The following KCNT2 variants were observed in gnomAD, a reference collection of about 807,000 sequenced individuals.
KCNT2 encodes potassium channel subfamily T member 2.
A neutral mutation model predicts 153.8 loss-of-function variants in KCNT2; 67 were observed. The observed-to-expected ratio is 0.44, with a 90% confidence interval of 0.36 to 0.53. The LOEUF (loss-of-function observed/expected upper bound fraction) is 0.53. Ranked by LOEUF, KCNT2 falls within the 20% of genes least tolerant of loss-of-function variation. The pLI is 0.00. For missense variants in KCNT2, 975 were observed against 1,354.8 expected, an observed-to-expected ratio of 0.72 and a Z score of 4.40; for synonymous variants, 500 against 458.8, an observed-to-expected ratio of 1.09 and a Z score of -1.15.
intron 1 of KCNT2, among the ~76,000 whole-genome samples, chr1:196,508,189 C>CAAAAAAAAA (rs10539910): frequency 2.4e-3 from 142 of 59,906 alleles, no homozygotes; most frequent in African/African-American, 4.0e-3. Flanking sequence ...CCCTAAGTAG[C>CAAAAAAAAA]AAAAAAAAAA....
chr1:196,573,482 G>A (rs1416804110), intron 1 of KCNT2, among the ~76,000 whole-genome samples: 2 of 151,976 alleles, frequency 1.3e-5, no homozygotes, highest in Non-Finnish European at 2.9e-5. Flanking sequence ...AATCACGCCA[G>A]GAGAAAATGA....
chr1:196,241,342 A>C (rs887465477), intron 26 of KCNT2, among the ~76,000 whole-genome samples: 1 of 152,010 alleles, frequency 6.6e-6, no homozygotes, highest in African/African-American at 2.4e-5. Context: ...TTATATACAC[A>C]TTATGTGTTA....
rs114199300 is a variant in KCNT2 at position 196,377,325 on chromosome 1, A to G, written c.1295-4077T>C. ...GAGAGAGTACATTTTCAGGTTTATC[A>G]GATACATTTTTTTTGGTGGGGGGGA... is the stretch of plus-strand genomic sequence containing the variant. On this transcript the variant is annotated intron_variant, in intron 13 of 27. Coordinates refer to ENST00000294725, the MANE Select transcript of KCNT2 (RefSeq NM_198503.5). Among the ~76,000 whole-genome samples, 682 of 152,072 alleles carry G rather than the reference A, an allele frequency of 4.5e-3. 4 individuals carry two copies. Among genetic ancestry groups the G allele is most frequent in the African/African-American group, 0.015 (620 of 41,510 alleles).
chr1:196,371,988 G>C (rs1173205947), intron 14 of KCNT2, among the ~76,000 whole-genome samples: 1 of 151,930 alleles, frequency 6.6e-6, no homozygotes, highest in Admixed American at 6.6e-5. Context: ...TCACTTAATT[G>C]GTGTTAAAAT....
intron 8 of KCNT2, among the ~76,000 whole-genome samples, chr1:196,461,117 G>T (rs1677113051): frequency 6.6e-6 from 1 of 151,668 alleles, no homozygotes; most frequent in Non-Finnish European, 1.5e-5. Context: ...CCAAACTACA[G>T]TACTTATCTT....
intron 12 of KCNT2, among the ~76,000 whole-genome samples, chr1:196,415,747 C>T (rs1222607917): frequency 1.3e-5 from 2 of 151,782 alleles, no homozygotes; most frequent in South Asian, 2.1e-4. Context: ...CTGTACCACT[C>T]ATGAACATGA....
At chr1:196,484,145 C>T (rs1050535945) in intron 3 of KCNT2, among the ~76,000 whole-genome samples, 13 of 152,090 alleles carry the variant, frequency 8.5e-5, no homozygotes, top group East Asian at 3.9e-4. Flanking sequence ...AACAGAAGTG[C>T]GTATTTTCAA....
At chr1:196,382,288 T>A (rs1317798662) in intron 13 of KCNT2, among the ~76,000 whole-genome samples, 1 of 151,740 alleles carries the variant, frequency 6.6e-6, no homozygotes, top group Non-Finnish European at 1.5e-5. Flanking sequence ...TTTGTATTTT[T>A]AGTAGAGACG....
At chr1:196,432,060 A>G (rs934890415) in intron 8 of KCNT2, among the ~76,000 whole-genome samples, 21 of 152,058 alleles carry the variant, frequency 1.4e-4, no homozygotes, top group African/African-American at 4.8e-4. Flanking sequence ...GGGCCTCAAG[A>G]GTCAGCTTTC....
intron 14 of KCNT2, among the ~76,000 whole-genome samples, chr1:196,372,925 T>C (rs1213265232): frequency 6.6e-6 from 1 of 151,870 alleles, no homozygotes; most frequent in Non-Finnish European, 1.5e-5. Context: ...ATCTCAAGAC[T>C]ACTGAGAAAA....
intron 14 of KCNT2, among the ~76,000 whole-genome samples, chr1:196,353,890 T>C (rs1040612445): frequency 2.6e-5 from 4 of 151,928 alleles, no homozygotes; most frequent in African/African-American, 9.7e-5. Context: ...ATAAAGGATT[T>C]AATTGGAATT....
Position 196,305,228 on chromosome 1 carries a change from T to G in KCNT2, c.2595+6A>C, listed in dbSNP as rs1226425301. On this transcript the variant is annotated splice_donor_region_variant and intron_variant, in intron 22 of 27. Coordinates refer to ENST00000294725, the MANE Select transcript of KCNT2 (RefSeq NM_198503.5). ...ATCTAATTTACTTGATAATGTGGGG[T>G]CTTACCTTTTCCAGTTTTGAAAGAG... The G allele has an allele frequency of 6.7e-7, 1 of 1,481,886 alleles. No individual in the cohort carries two copies. Among genetic ancestry groups the G allele is most frequent in the African/African-American group, 1.4e-5 (1 of 72,276 alleles). 91.8% of individuals were successfully genotyped at this position (1,481,886 alleles called of 1,614,324 possible).
At chr1:196,243,757 A>G (rs1655170511) in intron 26 of KCNT2, among the ~76,000 whole-genome samples, 1 of 152,116 alleles carries the variant, frequency 6.6e-6, no homozygotes, top group Non-Finnish European at 1.5e-5. Flanking sequence ...ACTTGAAAGG[A>G]TGTCTAGGCC....
intron 14 of KCNT2, among the ~76,000 whole-genome samples, chr1:196,366,168 T>C (rs552951436): frequency 6.6e-6 from 1 of 151,782 alleles, no homozygotes; most frequent in African/African-American, 2.4e-5. Flanking sequence ...ATTATTATTT[T>C]TTTTTTTTGA....
At chr1:196,275,066 A>G (rs1658427080) in intron 25 of KCNT2, among the ~76,000 whole-genome samples, 1 of 151,964 alleles carries the variant, frequency 6.6e-6, no homozygotes, top group South Asian at 2.1e-4. Flanking sequence ...ATAAGTAAAC[A>G]TTATAAATAA....
At chr1:196,506,607 A>G (rs1681165473) in intron 1 of KCNT2, among the ~76,000 whole-genome samples, 2 of 152,184 alleles carry the variant, frequency 1.3e-5, no homozygotes, top group African/African-American at 4.8e-5. Flanking sequence ...TTTGTCAAGA[A>G]CTTTTACCAT....
In KCNT2 at chr1:196,339,449, T is replaced by C. The variant is rs557910523; in HGVS notation, c.1783+892A>G. 2.6e-5 allele frequency among the ~76,000 whole-genome samples: 4 copies of C among 151,368 alleles called. No individual in the cohort carries two copies. In the South Asian group the frequency reaches 8.3e-4, roughly 32 times the overall value. On this transcript the variant is annotated intron_variant, in intron 16 of 27. Coordinates refer to ENST00000294725, the MANE Select transcript of KCNT2 (RefSeq NM_198503.5). ...ACTTTGGAGAAATTTGTCTCTGAAG[T>C]TGTTATCATGGAAGGTTCAAAATTA...
intron 14 of KCNT2, among the ~76,000 whole-genome samples, chr1:196,366,040 C>T (rs956676061): frequency 1.3e-5 from 2 of 152,128 alleles, no homozygotes; most frequent in Admixed American, 1.3e-4. Context: ...TTATAATGGC[C>T]TAGGAGACGC....
chr1:196,596,100 A>ATATC (rs1664055470), intron 1 of KCNT2, among the ~76,000 whole-genome samples: 1 of 141,644 alleles, frequency 7.1e-6, no homozygotes, highest in African/African-American at 2.8e-5. Context: ...ATATATATAT[A>ATATC]TCACATTTTC....
Sources: allele counts gnomAD v4.1 joint callset (sites outside exome capture counted in the v4.1 genomes callset), GRCh38; gene constraint gnomAD v4.1.1; transcripts MANE v1.5; gene names NCBI Gene and HGNC (gene_info 2026-07-23, HGNC 2026-07-21).